LARGE1: variants seen among roughly 807,000 people sequenced by gnomAD.
LARGE1 encodes the protein LARGE xylosyl- and glucuronyltransferase 1.
LARGE1 carries 43 observed loss-of-function variants against 87.6 expected under a neutral mutation model. The ratio of observed to expected loss-of-function variants is 0.49; its 90% CI spans 0.38 to 0.63. LARGE1 has a LOEUF of 0.63. Ranked by LOEUF, LARGE1 falls within the 30% of genes least tolerant of loss-of-function variation. The pLI, the probability that LARGE1 is intolerant of heterozygous loss-of-function variation, is 0.00. For missense variants in LARGE1, 802 were observed against 1,000.2 expected (o/e 0.80, Z 2.67); for synonymous variants, 434 against 394.6 (o/e 1.10, Z -1.18).
In LARGE1 at chr22:33,274,591, T is replaced by A. The variant is rs758961796; in HGVS notation, c.2107A>T (p.Met703Leu). Residue 703 changes from methionine (M) to leucine (L), a missense_variant, in exon 15 of 15, where the codon ATG (methionine) becomes TTG (leucine). By Grantham distance (15) the Met-to-Leu change is conservative (BLOSUM62 2). Transcript: ENST00000397394. ...YEFIVLPNAYMIHMPHAPSFD... is the reference protein window; with the variant it reads ...YEFIVLPNAYLIHMPHAPSFD... ...CTGGGGGCATGAGGCATGTGGATCA[T>A]GTAGGCGTTGGGCAGCACAATGAAC... 6.2e-7 allele frequency: 1 copy of A among 1,614,080 alleles called. No individual in the cohort carries two copies. Among genetic ancestry groups the A allele is most frequent in the South Asian group, 1.1e-5 (1 of 91,068 alleles).
At chr22:33,746,803 C>T (rs1431741293) in intron 2 of LARGE1, among the ~76,000 whole-genome samples, 1 of 152,142 alleles carries the variant, frequency 6.6e-6, no homozygotes, top group African/African-American at 2.4e-5. Flanking sequence ...GATGTTGTTA[C>T]CATGCTGGTT....
chr22:33,825,878 G>C (rs933215114), intron 1 of LARGE1, among the ~76,000 whole-genome samples: 19 of 151,938 alleles, frequency 1.3e-4, no homozygotes, highest in Non-Finnish European at 2.6e-4. Context: ...CAGCAGGTGT[G>C]GATGTGGGAA....
chr22:33,730,002 ATGCGTGCG>A (rs1456257450), intron 2 of LARGE1, among the ~76,000 whole-genome samples: 3 of 152,002 alleles, frequency 2.0e-5, no homozygotes, highest in Non-Finnish European at 1.5e-5. Flanking sequence ...GTGTGCGTGC[ATGCGTGCG>A]TGTGTGTGTT....
chr22:33,208,444 C>T (rs938656814), intron 11 of LARGE1, among the ~76,000 whole-genome samples: 3 of 152,266 alleles, frequency 2.0e-5, no homozygotes, highest in South Asian at 2.1e-4. Context: ...AAAGATCAAA[C>T]GTTGTTACTC....
At chr22:33,690,362 T>C (rs1028589078) in intron 2 of LARGE1, among the ~76,000 whole-genome samples, 2 of 152,150 alleles carry the variant, frequency 1.3e-5, no homozygotes, top group Non-Finnish European at 2.9e-5. Context: ...TAACTAAGTA[T>C]ACCCATGAAG....
At chr22:33,775,572 C>T (rs1175739118) in intron 1 of LARGE1, among the ~76,000 whole-genome samples, 2 of 152,102 alleles carry the variant, frequency 1.3e-5, no homozygotes, top group African/African-American at 4.8e-5. Flanking sequence ...GGGGGGTTGG[C>T]GGGGCTCAGT....
chr22:33,195,020 T>G (rs1923992646), intron 11 of LARGE1, among the ~76,000 whole-genome samples: 1 of 152,186 alleles, frequency 6.6e-6, no homozygotes, highest in African/African-American at 2.4e-5. Flanking sequence ...GATAATACAT[T>G]AAAGGAATAA....
At chr22:33,077,790 T>C in the LARGE1 span, among the ~76,000 whole-genome samples, 1 of 152,224 alleles carries the variant, frequency 6.6e-6, no homozygotes, top group African/African-American at 2.4e-5. Context: ...ATTAAAATAA[T>C]TCTGACGGTG....
chr22:33,423,358 G>A (rs1180668395), intron 7 of LARGE1, among the ~76,000 whole-genome samples: 2 of 151,514 alleles, frequency 1.3e-5, no homozygotes, highest in Non-Finnish European at 2.9e-5. Context: ...TAAAGCCAGG[G>A]CACTATATTA....
intron 1 of LARGE1, among the ~76,000 whole-genome samples, chr22:33,822,560 T>C (rs2146266973): frequency 6.6e-6 from 1 of 151,490 alleles, no homozygotes. Context: ...TTAGCCGGGG[T>C]GGTGGCAGAC....
At chr22:33,637,500 C>CT (rs1356391087) in intron 3 of LARGE1, among the ~76,000 whole-genome samples, 1 of 152,108 alleles carries the variant, frequency 6.6e-6, no homozygotes, top group Non-Finnish European at 1.5e-5. Context: ...GTAGCCTCTC[C>CT]TATACTGTGT....
At chr22:33,160,670 C>T (rs754790412), downstream of LARGE1, among the ~76,000 whole-genome samples, 2 of 152,196 alleles carry the variant, frequency 1.3e-5, no homozygotes, top group African/African-American at 2.4e-5. Flanking sequence ...GAAATCAGCA[C>T]AGTGCATGCA....
intron 1 of LARGE1, among the ~76,000 whole-genome samples, chr22:33,911,533 G>A (rs1259141487): frequency 6.6e-6 from 1 of 151,974 alleles, no homozygotes; most frequent in Non-Finnish European, 1.5e-5. Flanking sequence ...TGGGAGCGCC[G>A]GTCTACACCT....
chr22:33,260,168 T>A (rs544380712), intron 11 of LARGE1, among the ~76,000 whole-genome samples: 9 of 152,254 alleles, frequency 5.9e-5, no homozygotes, highest in African/African-American at 2.2e-4. Context: ...CCGCAAAGCC[T>A]CTTGCCCACA....
intron 6 of LARGE1, among the ~76,000 whole-genome samples, chr22:33,509,547 C>G (rs1037819552): frequency 6.6e-6 from 1 of 151,998 alleles, no homozygotes; most frequent in Non-Finnish European, 1.5e-5. Context: ...AAGCCCTGGG[C>G]TCAAGTGATC....
chr22:33,621,762 C>G (rs915644385), intron 4 of LARGE1, among the ~76,000 whole-genome samples: 1 of 152,100 alleles, frequency 6.6e-6, no homozygotes, highest in African/African-American at 2.4e-5. Context: ...AGAATCATTC[C>G]CATTTGTATA....
intron 2 of LARGE1, among the ~76,000 whole-genome samples, chr22:33,749,225 C>A (rs1473811176): frequency 6.6e-6 from 1 of 152,188 alleles, no homozygotes; most frequent in African/African-American, 2.4e-5. Context: ...AGCGATTCTC[C>A]TGTCTCACCC....
intron 2 of LARGE1, among the ~76,000 whole-genome samples, chr22:33,734,073 C>G (rs1186212719): frequency 6.6e-6 from 1 of 152,180 alleles, no homozygotes; most frequent in African/African-American, 2.4e-5. Context: ...CAGGAGTCCT[C>G]AGCTTCTAAA....
chr22:33,904,184 G>A (rs1362574492), intron 1 of LARGE1, among the ~76,000 whole-genome samples: 2 of 151,962 alleles, frequency 1.3e-5, no homozygotes, highest in African/African-American at 4.8e-5. Context: ...TTACAACATG[G>A]GCTTTCTTTT....
Sources: allele counts gnomAD v4.1 joint callset (sites outside exome capture counted in the v4.1 genomes callset), GRCh38; gene constraint gnomAD v4.1.1; transcripts MANE v1.5; gene names NCBI Gene and HGNC (gene_info 2026-07-23, HGNC 2026-07-21).